GATC: variants seen among roughly 807,000 people sequenced by gnomAD.
GATC encodes the protein glutamyl-tRNA amidotransferase subunit C, also known as glutamyl-tRNA(Gln) amidotransferase subunit C, mitochondrial.
A neutral mutation model predicts 14.4 loss-of-function variants in GATC; 11 were observed. The ratio of observed to expected loss-of-function variants is 0.77; its 90% CI spans 0.48 to 1.27. The LOEUF is 1.27. Ranked by LOEUF, GATC falls within the 50% of genes most tolerant of loss-of-function variation. The probability of loss-of-function intolerance (pLI) is 0.00; values close to 1 mark genes in which losing one functional copy is unlikely to be tolerated. For missense variants in GATC, 204 were observed against 183.0 expected (o/e 1.11, Z -0.66); for synonymous variants, 76 against 79.3 (o/e 0.96, Z 0.22).
rs1331385255 is a variant in GATC at position 120,451,884 on chromosome 12, T to TTTTCTTTTTTTC, written c.254+5058_254+5059insCTTTTTTTCTTT. 4.3e-4 allele frequency among the ~76,000 whole-genome samples: 56 copies of TTTTCTTTTTTTC among 129,450 alleles called. 1 individual carries two copies. The highest frequency in any genetic ancestry group is 5.8e-4 in the Non-Finnish European group (35 of 60,288). 84.9% of individuals were successfully genotyped at this position (129,450 alleles called of 152,430 possible). A position where few individuals can be genotyped will look rare whatever the true frequency, so the allele number is the denominator to read the frequency against. ...ATAAATTATATAAATTCTTTTTTTTTTTTTTTTTTTTGAGCTGGAGTCTCA... is the reference window on the plus strand; with the variant it reads ...ATAAATTATATAAATTCTTTTTTTTTTTTCTTTTTTTCTTTTTTTTTTTGAGCTGGAGTCTCA... On this transcript the variant is annotated intron_variant, in intron 2 of 3. Coordinates refer to ENST00000551765, the MANE Select transcript of GATC (RefSeq NM_176818.3).
chr12:120,454,694 C>CT (rs1878133502), intron 2 of GATC, among the ~76,000 whole-genome samples: 3 of 151,932 alleles, frequency 2.0e-5, no homozygotes, highest in Non-Finnish European at 4.4e-5. Context: ...GGATCACAGG[C>CT]ATGAGGCACC....
At chr12:120,449,915 A>C (rs1877993109) in intron 2 of GATC, among the ~76,000 whole-genome samples, 1 of 151,958 alleles carries the variant, frequency 6.6e-6, no homozygotes, top group Non-Finnish European at 1.5e-5. Flanking sequence ...GGTGCACGCC[A>C]CCACGCCCAG....
At chr12:120,450,017 C>T (rs1877996706) in intron 2 of GATC, among the ~76,000 whole-genome samples, 1 of 152,134 alleles carries the variant, frequency 6.6e-6, no homozygotes, top group Admixed American at 6.5e-5. Flanking sequence ...CCACCTTGGC[C>T]TCCCAAAGTG....
At chr12:120,459,298 C>T (rs1018068508) in intron 3 of GATC, among the ~76,000 whole-genome samples, 3 of 152,238 alleles carry the variant, frequency 2.0e-5, no homozygotes, top group African/African-American at 7.2e-5. Context: ...ATCTCCCACA[C>T]AGAACCTTAC....
chr12:120,446,562 G>A lies in GATC; in HGVS notation c.81+1G>A, dbSNP rs532063291. On this transcript the variant is annotated splice_donor_variant, in intron 1 of 3. Coordinates refer to ENST00000551765, the MANE Select transcript of GATC (RefSeq NM_176818.3). LOFTEE classifies it high-confidence loss of function. The stretch of plus-strand genomic sequence containing the variant: ...CTTCACCTCCAAGGCGGATCCTCAG[G>A]TAAAGGCCAGGGCCATCTAGGCGGG... 1.9e-6 allele frequency: 3 copies of A among 1,598,894 alleles called. No homozygotes were observed. The highest frequency in any genetic ancestry group is 2.2e-5 in the South Asian group (2 of 90,322).
chr12:120,463,063 T>G lies in GATC; in HGVS notation c.*3104T>G, dbSNP rs1300878987. On this transcript the variant is annotated 3_prime_UTR_variant, in exon 4 of 4. Transcript: ENST00000551765. ...AAAAAGAAATGAGCCCAGAGACCTG[T>G]GTCCCCAAACATCCGTAAATCTCAT... The G allele has an allele frequency of 6.6e-6, 1 of 152,216 alleles. No individual in the cohort carries two copies. Among genetic ancestry groups the G allele is most frequent in the Non-Finnish European group, 1.5e-5 (1 of 68,050 alleles). 9.4% of individuals were successfully genotyped at this position (152,216 alleles called of 1,614,324 possible). A position where few individuals can be genotyped will look rare whatever the true frequency, so the allele number is the denominator to read the frequency against.
chr12:120,457,283 G>T, intron 3 of GATC, 104 bp downstream of exon 3: 1 of 827,726 alleles, frequency 1.2e-6, no homozygotes. Flanking sequence ...ACTTTGAAAA[G>T]GATGAAGTGC....
rs1565913389 is a variant in GATC, at chr12:120,451,887, T to TC, written c.254+5058_254+5059insC. On this transcript the variant is annotated intron_variant, in intron 2 of 3. Transcript: ENST00000551765. ...AATTATATAAATTCTTTTTTTTTTT[T>TC]TTTTTTTTGAGCTGGAGTCTCACTC... Among the ~76,000 whole-genome samples, 14 of 118,880 alleles carry TC rather than the reference T, an allele frequency of 1.2e-4. 1 individual carries two copies. Among genetic ancestry groups the TC allele is most frequent in the African/African-American group, 2.1e-4 (6 of 28,880 alleles). The allele number at this position is 118,880 out of a possible 152,430, so 78.0% of individuals were successfully genotyped here. A position where few individuals can be genotyped will look rare whatever the true frequency, so the allele number is the denominator to read the frequency against.
Position 120,460,248 on chromosome 12 carries a change from A to C in GATC, c.*289A>C. ...GGAAGACATTATTTATCTGCCTTTA[A>C]CTCCCCCCAAAGGACCATACCAACT... is the stretch of plus-strand genomic sequence containing the variant. On this transcript the variant is annotated 3_prime_UTR_variant, in exon 4 of 4. Coordinates refer to ENST00000551765, the MANE Select transcript of GATC (RefSeq NM_176818.3). 1 of 259,560 alleles carries C rather than the reference A, an allele frequency of 3.9e-6. No homozygotes were observed. The highest frequency in any genetic ancestry group is 5.5e-5 in the Admixed American group (1 of 18,286). The allele number at this position is 259,560 out of a possible 1,614,324, so 16.1% of individuals were successfully genotyped here.
chr12:120,459,912 A>G lies in GATC; in HGVS notation c.364A>G (p.Ile122Val). 3 of 1,611,616 alleles carry G rather than the reference A, an allele frequency of 1.9e-6. No individual in the cohort carries two copies. The highest frequency in any genetic ancestry group is 1.1e-5 in the South Asian group (1 of 91,024). ...EEYFVAPPGNISLPKLDEQEP... is the reference protein window; with the variant it reads ...EEYFVAPPGNVSLPKLDEQEP... ...CTTTTGTTATTTTCAAACAGGTAAT[A>G]TCTCTTTGCCAAAGCTGGATGAACA... Residue 122 changes from isoleucine to valine, a missense_variant, in exon 4 of 4, where the codon ATC (isoleucine) becomes GTC (valine). By Grantham distance (29) the Ile-to-Val change is conservative. Coordinates refer to ENST00000551765, the MANE Select transcript of GATC (RefSeq NM_176818.3).
At position 120,462,391 on chromosome 12, in the gene GATC, G is replaced by A; in HGVS notation, c.*2432G>A. On this transcript the variant is annotated 3_prime_UTR_variant, in exon 4 of 4. Coordinates refer to ENST00000551765, the MANE Select transcript of GATC (RefSeq NM_176818.3). ...GACTTAAGTTATATCATTTGCCCAA[G>A]GTAACACAATAAATGCCAATTTGAC... 5 of 408,808 alleles carry A rather than the reference G, an allele frequency of 1.2e-5. No homozygotes were observed. The highest frequency in any genetic ancestry group is 1.3e-5 in the Non-Finnish European group (3 of 230,938). 25.3% of individuals were successfully genotyped at this position (408,808 alleles called of 1,614,324 possible).
At chr12:120,449,540 C>T (rs1877980248) in intron 2 of GATC, among the ~76,000 whole-genome samples, 1 of 152,156 alleles carries the variant, frequency 6.6e-6, no homozygotes, top group African/African-American at 2.4e-5. Context: ...ACCTCTGCCT[C>T]CTGGGTTTGA....
intron 2 of GATC, among the ~76,000 whole-genome samples, chr12:120,453,445 A>G (rs1054290786): frequency 6.6e-6 from 1 of 152,166 alleles, no homozygotes; most frequent in African/African-American, 2.4e-5. Context: ...CACACAGGAG[A>G]TAAGTTAACT....
At position 120,446,551 on chromosome 12, in the gene GATC, C is replaced by A. The variant is rs1341103060; in HGVS notation, c.71C>A (p.Ala24Glu). 6.2e-7 allele frequency: 1 copy of A among 1,600,148 alleles called. No individual in the cohort carries two copies. The highest frequency in any genetic ancestry group is 8.5e-7 in the Non-Finnish European group (1 of 1,173,560). ...GGGCGCCAGGGCTTCACCTCCAAGG[C>A]GGATCCTCAGGTAAAGGCCAGGGCC... is the stretch of plus-strand genomic sequence containing the variant. ...LGGRQGFTSKADPQGSGRITA... is the reference protein window; with the variant it reads ...LGGRQGFTSKEDPQGSGRITA... The change falls in exon 1 of 4, where the codon GCG (alanine) becomes GAG (glutamate). Residue 24 changes from alanine to glutamate, a missense_variant. By Grantham distance (107) the Ala-to-Glu change is moderately radical (BLOSUM62 -1). Transcript: ENST00000551765.
chr12:120,449,023 C>T (rs1243914013), intron 2 of GATC, among the ~76,000 whole-genome samples: 2 of 148,496 alleles, frequency 1.3e-5, no homozygotes, highest in African/African-American at 2.5e-5. Flanking sequence ...AGTGCAGTGG[C>T]GTGATCTTGG....
At chr12:120,447,104 T>A (rs1877896363) in intron 2 of GATC, among the ~76,000 whole-genome samples, 1 of 146,814 alleles carries the variant, frequency 6.8e-6, no homozygotes, top group Non-Finnish European at 1.5e-5. Flanking sequence ...TGAGACGGAG[T>A]CTCGCTGTGT....
In GATC at chr12:120,461,707, G is replaced by A. The variant is rs1046396799; in HGVS notation, c.*1748G>A. Reference sequence around the variant, plus strand: ...TTTAAAATATATTTCTAAACAGAATGGGCCGACTCAGTCACAGTAACTGTT... The same window carrying A: ...TTTAAAATATATTTCTAAACAGAATAGGCCGACTCAGTCACAGTAACTGTT... On this transcript the variant is annotated 3_prime_UTR_variant, in exon 4 of 4. Coordinates refer to ENST00000551765, the MANE Select transcript of GATC (RefSeq NM_176818.3). 2 of 203,156 alleles carry A rather than the reference G, an allele frequency of 9.8e-6. No homozygotes were observed. The highest frequency in any genetic ancestry group is 2.3e-5 in the African/African-American group (1 of 43,236). 12.6% of individuals were successfully genotyped at this position (203,156 alleles called of 1,614,324 possible). A position where few individuals can be genotyped will look rare whatever the true frequency, so the allele number is the denominator to read the frequency against.
At position 120,446,446 on chromosome 12, in the gene GATC, G is replaced by C. The variant is rs1349099727; in HGVS notation, c.-35G>C. ...TCTCAGGCGCGTCGCTCGGCGTTAC[G>C]CGCGGGCGCACTGCGGGGGCCAAGG... is the stretch of plus-strand genomic sequence containing the variant. On this transcript the variant is annotated 5_prime_UTR_variant, in exon 1 of 4. Coordinates refer to ENST00000551765, the MANE Select transcript of GATC (RefSeq NM_176818.3). The C allele has an allele frequency of 1.2e-6, 2 of 1,604,574 alleles. No individual in the cohort carries two copies. Among genetic ancestry groups the C allele is most frequent in the African/African-American group, 1.3e-5 (1 of 74,902 alleles).
rs777063586 is a variant in GATC, at chr12:120,446,770, C to G, written c.195C>G (p.Asp65Glu). 7.4e-6 allele frequency: 12 copies of G among 1,613,986 alleles called. No homozygotes were observed. Among genetic ancestry groups the G allele is most frequent in the Non-Finnish European group, 1.0e-5 (12 of 1,180,038 alleles). ...TGGAGAAAGCTATCGCCTTCGCCGA[C>G]CGGCTACGCGCCGTGGACACAGACG... ...ARLEKAIAFADRLRAVDTDGV... is the reference protein window; with the variant it reads ...ARLEKAIAFAERLRAVDTDGV... Residue 65 changes from aspartate (D) to glutamate (E), a missense_variant, in exon 2 of 4, where the codon GAC becomes GAG. By Grantham distance (45) the Asp-to-Glu change is conservative. Transcript: ENST00000551765.
Sources: gnomAD v4.1 joint callset for allele counts (sites outside exome capture counted in the v4.1 genomes callset) on GRCh38, gnomAD v4.1.1 for gene constraint, MANE v1.5 for transcripts, NCBI Gene and HGNC (gene_info 2026-07-23, HGNC 2026-07-21) for gene names.